The following CTNND2 variants were observed in gnomAD, a reference collection of about 807,000 sequenced individuals.
CTNND2 encodes the protein catenin delta 2.
Under a neutral mutation model 144.4 loss-of-function variants are expected in CTNND2, and 22 were observed. The ratio of observed to expected loss-of-function variants is 0.15; its 90% confidence interval spans 0.11 to 0.22. The LOEUF is 0.22. Ranked by LOEUF, CTNND2 falls within the 10% of genes least tolerant of loss-of-function variation. The pLI is 1.00. For synonymous variants in CTNND2, 751 were observed against 695.6 expected (o/e 1.08, Z -1.25); for missense variants, 1,353 against 1,618.8 (o/e 0.84, Z 2.82).
At chr5:11,070,459 A>G (rs1748135221) in intron 16 of CTNND2, among the ~76,000 whole-genome samples, 1 of 152,216 alleles carries the variant, frequency 6.6e-6, no homozygotes, top group East Asian at 1.9e-4. Flanking sequence ...TCTTAAACTG[A>G]AGATCTAAGA....
At position 11,097,709 on chromosome 5, in the gene CTNND2, G is replaced by A. The variant is rs554219959; in HGVS notation, c.2637+866C>T. On this transcript the variant is annotated intron_variant, in intron 15 of 21. Transcript: ENST00000304623. Reference sequence around the variant, plus strand: ...CTATGGCCTTGAGCTTCTGATGTCCGTGTGTATATGTTAACATGGTTTGGA... The same window carrying A: ...CTATGGCCTTGAGCTTCTGATGTCCATGTGTATATGTTAACATGGTTTGGA... Among the ~76,000 whole-genome samples, 44 of 152,268 alleles carry A rather than the reference G, an allele frequency of 2.9e-4. No homozygotes were observed. In the South Asian group the frequency reaches 3.3e-3, roughly 12 times the overall value.
intron 3 of CTNND2, among the ~76,000 whole-genome samples, chr5:11,526,014 C>T (rs2150047582): frequency 6.6e-6 from 1 of 152,314 alleles, no homozygotes; most frequent in Admixed American, 6.5e-5. Flanking sequence ...AAGGATTCTC[C>T]TGCCTCAGCC....
intron 2 of CTNND2, among the ~76,000 whole-genome samples, chr5:11,591,101 G>A (rs1463966525): frequency 1.3e-5 from 2 of 152,158 alleles, no homozygotes; most frequent in African/African-American, 4.8e-5. Context: ...TTACCTGCAA[G>A]GCAGACAAAT....
intron 9 of CTNND2, among the ~76,000 whole-genome samples, chr5:11,276,689 G>A (rs149305572): frequency 1.5e-4 from 23 of 152,310 alleles, no homozygotes; most frequent in African/African-American, 5.3e-4. Context: ...AAATGTAATT[G>A]AGTTTAAGGA....
At chr5:11,600,705 C>CA (rs755277116) in intron 2 of CTNND2, among the ~76,000 whole-genome samples, 37,324 of 80,294 alleles carry the variant, frequency 0.46, 7,746 homozygotes, top group Middle Eastern at 0.63. Flanking sequence ...GATTCTGTCT[C>CA]AAAAAAAAAA....
At chr5:11,206,412 C>A (rs865875343) in intron 10 of CTNND2, among the ~76,000 whole-genome samples, 5 of 152,164 alleles carry the variant, frequency 3.3e-5, no homozygotes, top group African/African-American at 9.7e-5. Context: ...TCATTAAGTG[C>A]ACCCAAGAAA....
chr5:11,795,832 A>G (rs1488653421), intron 1 of CTNND2, among the ~76,000 whole-genome samples: 1 of 152,246 alleles, frequency 6.6e-6, no homozygotes, highest in African/African-American at 2.4e-5. Context: ...CCACAGACTT[A>G]GTAACTTAAA....
intron 16 of CTNND2, among the ~76,000 whole-genome samples, chr5:11,072,792 A>T (rs1748476522): frequency 6.6e-6 from 1 of 152,244 alleles, no homozygotes; most frequent in Non-Finnish European, 1.5e-5. Flanking sequence ...ACACTGGGAC[A>T]CTGGCGGGGC....
Position 11,382,462 on chromosome 5 carries a change from G to C in CTNND2, c.1177+2203C>G, listed in dbSNP as rs115289481. 2.9e-3 allele frequency among the ~76,000 whole-genome samples: 445 copies of C among 152,206 alleles called. 2 individuals are homozygous for C. The highest frequency in any genetic ancestry group is 5.0e-3 in the Non-Finnish European group (340 of 68,012). ...AAATATACAAAAATTAGCCAGGCGT[G>C]GGGGCAGGTGACTGTAATCCCAGCT... On this transcript the variant is annotated intron_variant, in intron 7 of 21. Coordinates refer to ENST00000304623, the MANE Select transcript of CTNND2 (RefSeq NM_001332.4).
chr5:11,862,291 T>G (rs975419705), intron 1 of CTNND2, among the ~76,000 whole-genome samples: 5 of 152,208 alleles, frequency 3.3e-5, no homozygotes, highest in African/African-American at 1.2e-4. Flanking sequence ...AAAATAGAAA[T>G]TTTCCATTAA....
At chr5:11,054,042 A>T (rs1205945107) in intron 16 of CTNND2, among the ~76,000 whole-genome samples, 1 of 152,254 alleles carries the variant, frequency 6.6e-6, no homozygotes, top group East Asian at 1.9e-4. Context: ...AATAGGCTGG[A>T]GATAACTTTA....
At chr5:11,054,678 T>G (rs1746175410) in intron 16 of CTNND2, among the ~76,000 whole-genome samples, 1 of 152,126 alleles carries the variant, frequency 6.6e-6, no homozygotes, top group Non-Finnish European at 1.5e-5. Flanking sequence ...TTTTTGAGCA[T>G]TTTCTCTGCG....
chr5:11,476,448 G>A (rs1177174871), intron 3 of CTNND2, among the ~76,000 whole-genome samples: 1 of 152,174 alleles, frequency 6.6e-6, no homozygotes, highest in Non-Finnish European at 1.5e-5. Flanking sequence ...TGGAGGTCCA[G>A]ATGGCTTAGG....
intron 9 of CTNND2, among the ~76,000 whole-genome samples, chr5:11,244,443 C>T (rs1005567506): frequency 6.6e-6 from 1 of 152,064 alleles, no homozygotes; most frequent in South Asian, 2.1e-4. Context: ...CACCACCACA[C>T]CTGGCTAATT....
chr5:11,614,726 A>G (rs1239061527), intron 2 of CTNND2, among the ~76,000 whole-genome samples: 2 of 152,206 alleles, frequency 1.3e-5, no homozygotes, highest in Non-Finnish European at 2.9e-5. Context: ...AGCACAGCAT[A>G]CAGGCATATC....
At chr5:11,585,484 A>C (rs200213273) in intron 2 of CTNND2, among the ~76,000 whole-genome samples, 35 of 150,088 alleles carry the variant, frequency 2.3e-4, no homozygotes, top group African/African-American at 7.6e-4. Flanking sequence ...TTATCTATGT[A>C]TATCTATCTA....
chr5:11,670,172 A>T (rs945490099), intron 2 of CTNND2, among the ~76,000 whole-genome samples: 2 of 152,150 alleles, frequency 1.3e-5, no homozygotes, highest in Admixed American at 1.3e-4. Context: ...ACTTCCAATT[A>T]TGTGTCAATT....
At chr5:11,687,955 G>A (rs1784730747) in intron 2 of CTNND2, among the ~76,000 whole-genome samples, 2 of 152,158 alleles carry the variant, frequency 1.3e-5, no homozygotes, top group South Asian at 4.1e-4. Context: ...CATAAGGCAA[G>A]GACCCTGAGG....
intron 3 of CTNND2, among the ~76,000 whole-genome samples, chr5:11,467,589 T>C (rs1766801013): frequency 6.6e-6 from 1 of 152,216 alleles, no homozygotes; most frequent in Non-Finnish European, 1.5e-5. Context: ...TGTGTGTGAG[T>C]CAAAATAAGT....
Sources: allele counts gnomAD v4.1 joint callset (sites outside exome capture counted in the v4.1 genomes callset), GRCh38; gene constraint gnomAD v4.1.1; transcripts MANE v1.5; gene names NCBI Gene and HGNC (gene_info 2026-07-23, HGNC 2026-07-21).